The following JAKMIP3 variants were observed in gnomAD, a reference collection of about 807,000 sequenced individuals.
JAKMIP3 encodes the protein janus kinase and microtubule-interacting protein 3.
Under a neutral mutation model 118.5 loss-of-function variants are expected in JAKMIP3, and 58 were observed. The observed-to-expected ratio is 0.49, with a 90% CI of 0.40 to 0.61. JAKMIP3 has a LOEUF of 0.61. JAKMIP3 is among the 20% of genes least tolerant of loss of function. JAKMIP3 has a pLI of 0.00. For synonymous variants in JAKMIP3, 486 were observed against 451.2 expected, an observed-to-expected ratio of 1.08 and a Z score of -0.98; for missense variants, 950 against 1,109.0, an observed-to-expected ratio of 0.86 and a Z score of 2.04.
intron 1 of JAKMIP3, among the ~76,000 whole-genome samples, chr10:132,093,984 C>T (rs909576183): frequency 7.4e-6 from 1 of 135,492 alleles, no homozygotes; most frequent in African/African-American, 2.9e-5. Context: ...ACCCAGGCTG[C>T]TGGAGTGCAG....
chr10:132,091,501 G>T (rs2043083699), intron 1 of JAKMIP3, among the ~76,000 whole-genome samples: 1 of 152,214 alleles, frequency 6.6e-6, no homozygotes, highest in African/African-American at 2.4e-5. Context: ...TCTTCTTGTT[G>T]AATTGATCCC....
chr10:132,167,831 C>T (rs935437548), intron 22 of JAKMIP3, 122 bp from the exon 23 acceptor site: 12 of 554,694 alleles, frequency 2.2e-5, no homozygotes, highest in East Asian at 7.0e-5. Context: ...GGCCCTCACC[C>T]CTCGGCCCTC....
At chr10:132,145,488 G>A (rs990739358) in intron 12 of JAKMIP3, 30 bp from the exon 13 acceptor site, 1 of 1,541,688 alleles carries the variant, frequency 6.5e-7, no homozygotes, top group African/African-American at 1.4e-5. Context: ...CTCCCTCAGT[G>A]TCTTTATTTC....
At position 132,109,093 on chromosome 10, in the gene JAKMIP3, C is replaced by CATATATATATATACACACACAT. The variant is rs199571463; in HGVS notation, c.135+4161_135+4162insTACACACACATATATATATATA. Among the ~76,000 whole-genome samples, 6 of 138,850 alleles carry CATATATATATATACACACACAT rather than the reference C, an allele frequency of 4.3e-5. 1 individual carries two copies. The highest frequency in any genetic ancestry group is 1.7e-4 in the African/African-American group (6 of 35,614). 91.1% of individuals were successfully genotyped at this position (138,850 alleles called of 152,430 possible). On this transcript the variant is annotated intron_variant, in intron 2 of 23. Coordinates refer to ENST00000684848, the MANE Select transcript of JAKMIP3 (RefSeq NM_001323087.2). Reference sequence around the variant, plus strand: ...ACACATACACATATATATACACACACATATATATATACACACACACATATA... The same window carrying CATATATATATATACACACACAT: ...ACACATACACATATATATACACACACATATATATATATACACACACATATATATATATACACACACACATATA...
intron 11 of JAKMIP3, chr10:132,144,040 GCCCACCC>G (rs1200498585): frequency 6.6e-6 from 1 of 150,488 alleles, no homozygotes; most frequent in Non-Finnish European, 1.5e-5. Context: ...TCACGCCTTC[GCCCACCC>G]CCCACCCCGG....
intron 3 of JAKMIP3, among the ~76,000 whole-genome samples, chr10:132,131,541 G>A (rs575455972): frequency 4.6e-5 from 7 of 152,060 alleles, no homozygotes; most frequent in Admixed American, 4.6e-4. Context: ...TCTTAGTGCC[G>A]GGGTAGGATG....
At chr10:132,113,320 G>T (rs754472682) in intron 2 of JAKMIP3, among the ~76,000 whole-genome samples, 2 of 152,226 alleles carry the variant, frequency 1.3e-5, no homozygotes, top group African/African-American at 4.8e-5. Flanking sequence ...CTCAGAAGCC[G>T]CTGGAAGCCT....
At chr10:132,091,673 G>A (rs1033780332) in intron 1 of JAKMIP3, among the ~76,000 whole-genome samples, 25 of 150,634 alleles carry the variant, frequency 1.7e-4, no homozygotes, top group East Asian at 5.9e-4. Flanking sequence ...GTCTCTGCAC[G>A]TGAGATGGGT....
intron 23 of JAKMIP3, among the ~76,000 whole-genome samples, chr10:132,171,836 G>A (rs1288620318): frequency 3.3e-5 from 5 of 151,980 alleles, no homozygotes; most frequent in African/African-American, 9.7e-5. Context: ...TGTATTTTTA[G>A]TAGAGACGGG....
rs1226926199 is a variant in JAKMIP3 at position 132,184,540 on chromosome 10, T to G, written c.*3287T>G. ...TTTTTTAAAAAGCTTTATTGTAAAT[T>G]TATGCAAAAACTAACCGGGCCTGTT... On this transcript the variant is annotated 3_prime_UTR_variant, in exon 24 of 24. Transcript: ENST00000684848. The G allele has an allele frequency of 6.6e-6, 1 of 152,230 alleles. No individual in the cohort carries two copies. Among genetic ancestry groups the G allele is most frequent in the Non-Finnish European group, 1.5e-5 (1 of 68,044 alleles). The allele number at this position is 152,230 out of a possible 1,614,324, so 9.4% of individuals were successfully genotyped here. A position where few individuals can be genotyped will look rare whatever the true frequency, so the allele number is the denominator to read the frequency against.
At chr10:132,097,341 C>T (rs190466883) in intron 1 of JAKMIP3, among the ~76,000 whole-genome samples, 3 of 152,130 alleles carry the variant, frequency 2.0e-5, no homozygotes, top group East Asian at 1.9e-4. Flanking sequence ...TGGGCCACTC[C>T]GCGGTGAGAA....
chr10:132,096,049 T>G (rs2043817448), intron 1 of JAKMIP3, among the ~76,000 whole-genome samples: 1 of 152,170 alleles, frequency 6.6e-6, no homozygotes, highest in South Asian at 2.1e-4. Flanking sequence ...GGGGTCTTCC[T>G]CTGGATCCTG....
intron 1 of JAKMIP3, among the ~76,000 whole-genome samples, chr10:132,036,747 CGGCCGGGGTGGGGCCGCGACCGGG>C (rs1404461866): frequency 2.0e-5 from 3 of 151,036 alleles, no homozygotes; most frequent in African/African-American, 7.3e-5. Flanking sequence ...CGGTGAGCAG[CGGCCGGGGTGGGGCCGCGACCGGG>C]GGCCGGGCCT....
intron 3 of JAKMIP3, among the ~76,000 whole-genome samples, chr10:132,129,390 G>A (rs2050167287): frequency 6.6e-6 from 1 of 152,166 alleles, no homozygotes; most frequent in Admixed American, 6.5e-5. Flanking sequence ...AGGCCTCTGG[G>A]AGTCCTGCCT....
At chr10:132,109,454 G>A (rs1342974320) in intron 2 of JAKMIP3, among the ~76,000 whole-genome samples, 1 of 152,144 alleles carries the variant, frequency 6.6e-6, no homozygotes, top group East Asian at 1.9e-4. Flanking sequence ...GAAGCTCTCC[G>A]CCCGGCTGCC....
intron 1 of JAKMIP3, among the ~76,000 whole-genome samples, chr10:132,100,008 C>T (rs567844873): frequency 1.3e-5 from 2 of 152,304 alleles, no homozygotes; most frequent in African/African-American, 4.8e-5. Context: ...GTGATCCTAT[C>T]GTGGTGAGGG....
intron 14 of JAKMIP3, among the ~76,000 whole-genome samples, chr10:132,148,578 C>G (rs1397480165): frequency 1.3e-5 from 2 of 152,200 alleles, no homozygotes; most frequent in Non-Finnish European, 2.9e-5. Context: ...CTGTCCAGGC[C>G]TCCGCCGTCG....
intron 6 of JAKMIP3, 86 bp from the exon 7 acceptor site, chr10:132,136,933 A>G: frequency 6.8e-7 from 1 of 1,464,936 alleles, no homozygotes; most frequent in Admixed American, 2.1e-5. Flanking sequence ...GCCCGGGTTG[A>G]GGGAGAAGAC....
intron 2 of JAKMIP3, among the ~76,000 whole-genome samples, chr10:132,115,643 G>A (rs1564915592): frequency 6.6e-6 from 1 of 152,222 alleles, no homozygotes. Flanking sequence ...TGCTTAAATA[G>A]TTGTCTCCAA....
Sources: allele counts gnomAD v4.1 joint callset (sites outside exome capture counted in the v4.1 genomes callset), GRCh38; gene constraint gnomAD v4.1.1; transcripts MANE v1.5; gene names NCBI Gene and HGNC (gene_info 2026-07-23, HGNC 2026-07-21).